Variants in TAX1BP1 observed in about 807,000 individuals in gnomAD.
TAX1BP1 encodes the protein Tax1 binding protein 1.
In TAX1BP1, 62 loss-of-function variants were observed where a neutral mutation model predicts 97.7. That is an observed-to-expected ratio of 0.63 (90% CI 0.52 to 0.78). The LOEUF is 0.78. Ranked by LOEUF, TAX1BP1 falls within the 30% of genes least tolerant of loss-of-function variation. The probability of loss-of-function intolerance (pLI) is 0.00; values close to 1 mark genes in which losing one functional copy is unlikely to be tolerated. For missense variants in TAX1BP1, 867 were observed against 916.1 expected, an observed-to-expected ratio of 0.95 and a Z score of 0.69; for synonymous variants, 340 against 304.2, an observed-to-expected ratio of 1.12 and a Z score of -1.23.
chr7:27,765,717 C>T, intron 3 of TAX1BP1, 117 bp from the exon 4 acceptor site: 1 of 881,002 alleles, frequency 1.1e-6, no homozygotes, highest in East Asian at 2.6e-5. Flanking sequence ...AAGGACATAT[C>T]CCAGATTCTT....
At chr7:27,795,971 A>G in intron 11 of TAX1BP1, 145 bp from the exon 12 acceptor site, 1 of 593,966 alleles carries the variant, frequency 1.7e-6, no homozygotes, top group Non-Finnish European at 2.9e-6. Flanking sequence ...TTCTTTGTAT[A>G]TCTAGGATAT....
intron 15 of TAX1BP1, among the ~76,000 whole-genome samples, chr7:27,821,741 T>A (rs1421868632): frequency 6.6e-6 from 1 of 152,166 alleles, no homozygotes; most frequent in East Asian, 1.9e-4. Context: ...TTTAATGTAT[T>A]CACAGAGCTG....
intron 1 of TAX1BP1, among the ~76,000 whole-genome samples, chr7:27,743,748 C>G: frequency 6.7e-6 from 1 of 149,464 alleles, no homozygotes; most frequent in Non-Finnish European, 1.5e-5. Flanking sequence ...ATTTCACTTA[C>G]AGTTAGTTTA....
chr7:27,809,713 A>G (rs1790479005), intron 13 of TAX1BP1, among the ~76,000 whole-genome samples: 1 of 152,150 alleles, frequency 6.6e-6, no homozygotes, highest in Non-Finnish European at 1.5e-5. Flanking sequence ...TAGAGTAGGC[A>G]TATTAGATTA....
rs1004428216 is a variant in TAX1BP1 at position 27,827,757 on chromosome 7, C to A, written c.2105C>A (p.Thr702Asn). 2.5e-6 allele frequency: 4 copies of A among 1,613,668 alleles called. No homozygotes were observed. In the Admixed American group the frequency reaches 5.0e-5, roughly 20 times the overall value. ...EDSKEDENVP[T>N]APDPPSQHLR... ...CCCTAGGAAGATGAGAATGTGCCTA[C>A]TGCTCCTGATCCTCCAAGTCAACAT... Residue 702 changes from threonine (T) to asparagine (N), a missense_variant, in exon 16 of 17, where the codon ACT (threonine) becomes AAT (asparagine). Coordinates refer to ENST00000396319, the MANE Select transcript of TAX1BP1 (RefSeq NM_006024.7).
At chr7:27,810,125 T>C (rs1790499192) in intron 13 of TAX1BP1, among the ~76,000 whole-genome samples, 2 of 152,108 alleles carry the variant, frequency 1.3e-5, no homozygotes, top group South Asian at 4.1e-4. Context: ...GCCAGGATGG[T>C]CTTGATCTCC....
chr7:27,815,265 G>A (rs564953033), intron 13 of TAX1BP1, among the ~76,000 whole-genome samples: 35 of 152,096 alleles, frequency 2.3e-4, no homozygotes, highest in East Asian at 5.8e-4. Context: ...GTCACAGTAG[G>A]TTTTTATAGC....
At chr7:27,793,943 A>G (rs1789815869) in intron 10 of TAX1BP1, among the ~76,000 whole-genome samples, 1 of 152,224 alleles carries the variant, frequency 6.6e-6, no homozygotes, top group African/African-American at 2.4e-5. Flanking sequence ...CAAGGAATGC[A>G]TGTAGTAAAG....
chr7:27,828,566 A>G lies in TAX1BP1; in HGVS notation c.2169-62A>G. 7 of 1,503,076 alleles carry G rather than the reference A, an allele frequency of 4.7e-6. No homozygotes were observed. The South Asian group carries it at 4.7e-5, about 10-fold the overall frequency. The allele number at this position is 1,503,076 out of a possible 1,614,324, so 93.1% of individuals were successfully genotyped here. A position where few individuals can be genotyped will look rare whatever the true frequency, so the allele number is the denominator to read the frequency against. On this transcript the variant is annotated intron_variant, in intron 16 of 16. Coordinates refer to ENST00000396319, the MANE Select transcript of TAX1BP1 (RefSeq NM_006024.7). ...CTAGATAAATGGAACCTTGTCATAT[A>G]TGGACAAGTTGTTGTTCTACATTTA...
intron 3 of TAX1BP1, among the ~76,000 whole-genome samples, chr7:27,763,071 C>T (rs1788488689): frequency 6.6e-6 from 1 of 152,094 alleles, no homozygotes; most frequent in African/African-American, 2.4e-5. Context: ...GTGCCTAGAA[C>T]TTTTTTGTTA....
chr7:27,792,371 A>T (rs1789751813), intron 9 of TAX1BP1, 141 bp downstream of exon 9: 3 of 797,926 alleles, frequency 3.8e-6, no homozygotes, highest in South Asian at 3.8e-5. Flanking sequence ...TTGTTTAGTC[A>T]TTGTGACTTC....
chr7:27,789,270 G>C (rs113929404), intron 8 of TAX1BP1, among the ~76,000 whole-genome samples: 1 of 151,826 alleles, frequency 6.6e-6, no homozygotes, highest in African/African-American at 2.4e-5. Context: ...TCATTTGCTT[G>C]TATTTAATTT....
rs1788307120 is a variant in TAX1BP1 at position 27,758,448 on chromosome 7, A to G, written c.265+315A>G. Reference sequence around the variant, plus strand: ...TACAATAGTAATAACAGATATTAGAATAATGTAACAAAAAAGAGGTGAGGA... The same window carrying G: ...TACAATAGTAATAACAGATATTAGAGTAATGTAACAAAAAAGAGGTGAGGA... On this transcript the variant is annotated intron_variant, in intron 3 of 16. Transcript: ENST00000396319. 2.3e-5 allele frequency: 4 copies of G among 172,586 alleles called. No homozygotes were observed. The South Asian group carries it at 7.6e-4, about 33-fold the overall frequency. 10.7% of individuals were successfully genotyped at this position (172,586 alleles called of 1,614,324 possible). A position where few individuals can be genotyped will look rare whatever the true frequency, so the allele number is the denominator to read the frequency against.
chr7:27,782,165 TATTC>T (rs1454164110), intron 5 of TAX1BP1, among the ~76,000 whole-genome samples: 2 of 152,168 alleles, frequency 1.3e-5, no homozygotes, highest in Non-Finnish European at 2.9e-5. Flanking sequence ...TGTGCAAAAA[TATTC>T]TTTCTTTGTA....
chr7:27,791,883 G>A (rs924044545), intron 8 of TAX1BP1, 123 bp from the exon 9 acceptor site: 82 of 808,556 alleles, frequency 1.0e-4, no homozygotes, highest in Middle Eastern at 3.6e-4. Context: ...TACTCTGTAA[G>A]TCATGAGTAG....
At chr7:27,790,277 G>A (rs1376138732) in intron 8 of TAX1BP1, among the ~76,000 whole-genome samples, 1 of 151,682 alleles carries the variant, frequency 6.6e-6, no homozygotes, top group Non-Finnish European at 1.5e-5. Flanking sequence ...TTTAACAACT[G>A]TGTAGTATAT....
At chr7:27,777,039 A>G (rs955423526) in intron 5 of TAX1BP1, among the ~76,000 whole-genome samples, 3 of 151,348 alleles carry the variant, frequency 2.0e-5, no homozygotes, top group South Asian at 2.1e-4. Flanking sequence ...ACTGTGTTCA[A>G]TTTTCTTCTA....
chr7:27,794,587 A>C (rs946162269), intron 11 of TAX1BP1, 141 bp downstream of exon 11: 1 of 877,632 alleles, frequency 1.1e-6, no homozygotes, highest in Non-Finnish European at 1.7e-6. Context: ...CAAGAAAATA[A>C]GGGTATAAAT....
At chr7:27,745,736 G>A (rs1787791316) in intron 1 of TAX1BP1, among the ~76,000 whole-genome samples, 1 of 151,430 alleles carries the variant, frequency 6.6e-6, no homozygotes, top group Non-Finnish European at 1.5e-5. Flanking sequence ...TTCAGGGGAG[G>A]GTTTAAAAAT....
Sources: gnomAD v4.1 joint callset for allele counts (sites outside exome capture counted in the v4.1 genomes callset) on GRCh38, gnomAD v4.1.1 for gene constraint, MANE v1.5 for transcripts, NCBI Gene and HGNC (gene_info 2026-07-23, HGNC 2026-07-21) for gene names.